Variants in MGA observed in about 807,000 individuals in gnomAD.
MGA encodes MAX dimerization protein MGA, also known as MAX gene-associated protein.
In MGA, 40 loss-of-function variants were observed where a neutral mutation model predicts 261.1. That is an observed-to-expected ratio of 0.15 (90% CI 0.12 to 0.20). MGA has a LOEUF of 0.20. Among genes scored for constraint, MGA ranks in the 10% least tolerant of loss-of-function variants. MGA has a pLI of 1.00. For synonymous variants in MGA, 1,302 were observed against 1,290.6 expected, an observed-to-expected ratio of 1.01 and a Z score of -0.19; for missense variants, 3,397 against 3,630.5, an observed-to-expected ratio of 0.94 and a Z score of 1.65.
intron 19 of MGA, among the ~76,000 whole-genome samples, chr15:41,759,015 A>G (rs1157582334): frequency 6.6e-6 from 1 of 152,228 alleles, no homozygotes; most frequent in Non-Finnish European, 1.5e-5. Flanking sequence ...ATGTGAGAAT[A>G]CAAATGACAA....
At position 41,765,005 on chromosome 15, in the gene MGA, G is replaced by C. The variant is rs759602023; in HGVS notation, c.7864G>C (p.Asp2622His). The C allele has an allele frequency of 1.1e-5, 18 of 1,613,912 alleles. No individual in the cohort carries two copies. In the Middle Eastern group the frequency reaches 4.9e-4, roughly 44 times the overall value. ...AGGACCAGTGGTAGCTGTTTCTCCT[G>C]ATCTCTTAGAATCTGATCTTAAGCC... is the stretch of plus-strand genomic sequence containing the variant. Residue 2622 changes from aspartate (D) to histidine (H), a missense_variant, in exon 23 of 24, where the codon GAT becomes CAT. Physicochemically the swap from Asp to His is moderately conservative, Grantham distance 81. Coordinates refer to ENST00000219905, the MANE Select transcript of MGA (RefSeq NM_001164273.2).
chr15:41,755,840 G>A (rs1380776497), intron 18 of MGA, among the ~76,000 whole-genome samples: 4 of 152,136 alleles, frequency 2.6e-5, no homozygotes, highest in South Asian at 2.1e-4. Flanking sequence ...CCAACATGGC[G>A]AAACCCTGTC....
intron 1 of MGA, among the ~76,000 whole-genome samples, chr15:41,645,471 T>A (rs2056918430): frequency 6.6e-6 from 1 of 152,102 alleles, no homozygotes; most frequent in African/African-American, 2.4e-5. Flanking sequence ...GTAATCCCAG[T>A]TACTCGGGAG....
chr15:41,625,388 A>G (rs2056424610), intron 1 of MGA, among the ~76,000 whole-genome samples: 1 of 151,778 alleles, frequency 6.6e-6, no homozygotes, highest in African/African-American at 2.4e-5. Context: ...AATTGTGAGA[A>G]AAAAAAAATT....
At chr15:41,747,583 G>A (rs908472473) in intron 15 of MGA, among the ~76,000 whole-genome samples, 6 of 149,786 alleles carry the variant, frequency 4.0e-5, no homozygotes, top group Non-Finnish European at 7.4e-5. Flanking sequence ...AAAAAAAAGC[G>A]TGCACCTGTG....
chr15:41,700,888 A>G (rs2059816918), intron 5 of MGA, among the ~76,000 whole-genome samples: 1 of 152,342 alleles, frequency 6.6e-6, no homozygotes, highest in East Asian at 1.9e-4. Context: ...CTGAGAGTCT[A>G]AACATTATAA....
chr15:41,762,716 G>T (rs762639316), intron 22 of MGA, among the ~76,000 whole-genome samples: 1 of 151,800 alleles, frequency 6.6e-6, no homozygotes, highest in African/African-American at 2.4e-5. Context: ...TGATCCACCC[G>T]CCTTGGCCTC....
chr15:41,632,257 G>A (rs762773979), intron 1 of MGA, among the ~76,000 whole-genome samples: 9 of 152,150 alleles, frequency 5.9e-5, no homozygotes, highest in African/African-American at 2.2e-4. Flanking sequence ...ACTCAATTCT[G>A]TTGTGGTAGT....
At chr15:41,711,945 C>T (rs1024307520) in intron 8 of MGA, among the ~76,000 whole-genome samples, 3 of 152,100 alleles carry the variant, frequency 2.0e-5, no homozygotes, top group African/African-American at 7.2e-5. Context: ...ATCCACCTGT[C>T]TCACCTCACA....
At chr15:41,748,254 A>T (rs1250556039) in intron 15 of MGA, among the ~76,000 whole-genome samples, 2 of 80,036 alleles carry the variant, frequency 2.5e-5, no homozygotes, top group Non-Finnish European at 6.2e-5. Flanking sequence ...CTGCCTCTTT[A>T]AAAAAAAAAA....
At chr15:41,723,067 A>G (rs1242518702) in intron 9 of MGA, among the ~76,000 whole-genome samples, 2 of 152,304 alleles carry the variant, frequency 1.3e-5, no homozygotes, top group Non-Finnish European at 1.5e-5. Flanking sequence ...AGAAATGAGG[A>G]GACCATTTCT....
chr15:41,743,556 A>G (rs1003698519), intron 15 of MGA, among the ~76,000 whole-genome samples: 3 of 152,236 alleles, frequency 2.0e-5, no homozygotes, highest in African/African-American at 7.2e-5. Context: ...TAATGCAGGT[A>G]AGACTGGAGC....
At chr15:41,656,344 TTCTCTC>T (rs59370765), upstream of MGA, among the ~76,000 whole-genome samples, 78 of 60,024 alleles carry the variant, frequency 1.3e-3, 1 homozygote, top group Admixed American at 1.7e-3. Flanking sequence ...CTCTCCTCTC[TTCTCTC>T]TCTCTCTCTC....
At chr15:41,628,844 A>G (rs2056522820) in intron 1 of MGA, among the ~76,000 whole-genome samples, 1 of 152,194 alleles carries the variant, frequency 6.6e-6, no homozygotes, top group African/African-American at 2.4e-5. Flanking sequence ...TGCAGAGGCA[A>G]TTAAGCCGTT....
chr15:41,656,072 T>G (rs1296966080), upstream of MGA, among the ~76,000 whole-genome samples: 2 of 152,152 alleles, frequency 1.3e-5, no homozygotes, highest in Non-Finnish European at 2.9e-5. Context: ...ATACGTGGTT[T>G]TAAAAATAAT....
At chr15:41,729,855 C>A (rs2061420402) in intron 11 of MGA, among the ~76,000 whole-genome samples, 1 of 151,658 alleles carries the variant, frequency 6.6e-6, no homozygotes, top group Non-Finnish European at 1.5e-5. Context: ...GTATATTATT[C>A]TTTCTTTTTC....
intron 5 of MGA, among the ~76,000 whole-genome samples, chr15:41,705,048 GAT>G (rs1181739745): frequency 1.3e-5 from 2 of 152,148 alleles, no homozygotes; most frequent in African/African-American, 4.8e-5. Context: ...AATATAAAAA[GAT>G]AATAGGTTTT....
intron 5 of MGA, among the ~76,000 whole-genome samples, chr15:41,706,232 A>G (rs1429714381): frequency 8.2e-5 from 8 of 97,336 alleles, no homozygotes; most frequent in Admixed American, 3.4e-4. Flanking sequence ...GTGAGACTCC[A>G]TCTCAAAAAA....
intron 9 of MGA, among the ~76,000 whole-genome samples, chr15:41,721,874 A>G (rs992082439): frequency 3.9e-5 from 6 of 152,204 alleles, no homozygotes; most frequent in Admixed American, 1.3e-4. Context: ...GAACTGTATT[A>G]TATAAGAATA....
Sources: gnomAD v4.1 joint callset for allele counts (sites outside exome capture counted in the v4.1 genomes callset) on GRCh38, gnomAD v4.1.1 for gene constraint, MANE v1.5 for transcripts, NCBI Gene and HGNC (gene_info 2026-07-23, HGNC 2026-07-21) for gene names.